The following ADAMTS17 variants were observed in gnomAD, a reference collection of about 807,000 sequenced individuals.
ADAMTS17 encodes ADAM metallopeptidase with thrombospondin type 1 motif 17.
A neutral mutation model predicts 141.5 loss-of-function variants in ADAMTS17; 113 were observed. The observed-to-expected ratio is 0.80, with a 90% CI of 0.69 to 0.93. The LOEUF is 0.93. Ranked by LOEUF, ADAMTS17 falls within the 40% of genes least tolerant of loss-of-function variation. The pLI, the probability that ADAMTS17 is intolerant of heterozygous loss-of-function variation, is 0.00. For missense variants in ADAMTS17, 1,659 were observed against 1,517.9 expected, an observed-to-expected ratio of 1.09 and a Z score of -1.54; for synonymous variants, 768 against 630.6, an observed-to-expected ratio of 1.22 and a Z score of -3.27.
intron 7 of ADAMTS17, among the ~76,000 whole-genome samples, chr15:100,206,790 C>A (rs1248968282): frequency 2.0e-5 from 3 of 152,140 alleles, no homozygotes; most frequent in Non-Finnish European, 4.4e-5. Flanking sequence ...TCAAATGCGA[C>A]CTGGAAGGAG....
At position 100,341,309 on chromosome 15, in the gene ADAMTS17, T is replaced by C; in HGVS notation, c.180A>G (p.Arg60=). Residue 60 remains arginine, a synonymous_variant, in exon 2 of 22, where the codon CGA becomes CGG. Transcript: ENST00000268070. ...GGGGCGTGCGGGGGCGTCGCCGCCG[T>C]CGGGGCCCGGGGGCTGCGGGCAGCG... ...LPPLPAAPGP[R]RRRRPRTPPA... 1 of 1,064,216 alleles carries C rather than the reference T, an allele frequency of 9.4e-7. No homozygotes were observed. Among genetic ancestry groups the C allele is most frequent in the Non-Finnish European group, 1.1e-6 (1 of 884,200 alleles). 65.9% of individuals were successfully genotyped at this position (1,064,216 alleles called of 1,614,324 possible).
chr15:100,254,786 C>T (rs1425062244), intron 6 of ADAMTS17, among the ~76,000 whole-genome samples: 1 of 152,140 alleles, frequency 6.6e-6, no homozygotes, highest in Non-Finnish European at 1.5e-5. Flanking sequence ...TAAGTGGGAG[C>T]TGAATGATGA....
chr15:100,295,457 T>C (rs151220025), intron 3 of ADAMTS17, among the ~76,000 whole-genome samples: 4 of 152,196 alleles, frequency 2.6e-5, no homozygotes, highest in African/African-American at 9.6e-5. Flanking sequence ...ACAGGACAAC[T>C]ATGGTTCCAG....
rs1394524331 is a variant in ADAMTS17 at position 99,974,397 on chromosome 15, G to A, written c.*5C>T. The A allele has an allele frequency of 4.3e-6, 7 of 1,614,012 alleles. No homozygotes were observed. Among genetic ancestry groups the A allele is most frequent in the Non-Finnish European group, 5.9e-6 (7 of 1,180,054 alleles). On this transcript the variant is annotated 3_prime_UTR_variant, in exon 22 of 22. Transcript: ENST00000268070. ...TGAGCTTTGAGCGACCCTTGGGACT[G>A]CGTGTCACGAGTTCGGCGGTGGCTG... is the stretch of plus-strand genomic sequence containing the variant.
At chr15:99,992,801 G>A (rs910182257) in intron 20 of ADAMTS17, among the ~76,000 whole-genome samples, 3 of 152,258 alleles carry the variant, frequency 2.0e-5, no homozygotes, top group East Asian at 1.9e-4. Flanking sequence ...GGTTCCTTCT[G>A]CATGCACGTG....
chr15:100,160,553 C>G (rs569452752), intron 8 of ADAMTS17, among the ~76,000 whole-genome samples: 1 of 152,324 alleles, frequency 6.6e-6, no homozygotes, highest in East Asian at 1.9e-4. Context: ...GGCCAGAGAA[C>G]CTGGTGATTG....
At chr15:100,320,345 G>C (rs2045695114) in intron 3 of ADAMTS17, among the ~76,000 whole-genome samples, 3 of 152,208 alleles carry the variant, frequency 2.0e-5, no homozygotes, top group Non-Finnish European at 2.9e-5. Context: ...ATAAACATGG[G>C]AAGTCCACGG....
chr15:100,221,921 G>A (rs929590835), intron 7 of ADAMTS17, among the ~76,000 whole-genome samples: 5 of 152,310 alleles, frequency 3.3e-5, no homozygotes, highest in South Asian at 2.1e-4. Flanking sequence ...GCCGGAGGCC[G>A]CCTGGGGTCT....
At chr15:100,240,051 A>T (rs1164582885) in intron 7 of ADAMTS17, among the ~76,000 whole-genome samples, 2 of 152,188 alleles carry the variant, frequency 1.3e-5, no homozygotes, top group Non-Finnish European at 2.9e-5. Context: ...CAGATCAGTG[A>T]GCCTGCTCCA....
At chr15:100,065,298 T>G (rs1425000143) in intron 15 of ADAMTS17, among the ~76,000 whole-genome samples, 2 of 152,178 alleles carry the variant, frequency 1.3e-5, no homozygotes, top group South Asian at 4.1e-4. Flanking sequence ...AGTGACAACT[T>G]CAAAATAATT....
chr15:99,983,647 A>G (rs1793727547), intron 20 of ADAMTS17, among the ~76,000 whole-genome samples: 1 of 151,962 alleles, frequency 6.6e-6, no homozygotes, highest in South Asian at 2.1e-4. Flanking sequence ...CTTCCTGCAG[A>G]GTGGCCCAGG....
intron 7 of ADAMTS17, among the ~76,000 whole-genome samples, chr15:100,218,837 T>C (rs952672721): frequency 5.9e-5 from 9 of 152,122 alleles, no homozygotes; most frequent in African/African-American, 2.2e-4. Flanking sequence ...TACGCATCAC[T>C]GAAAGATAAG....
chr15:100,196,563 C>T (rs144925996), intron 8 of ADAMTS17, among the ~76,000 whole-genome samples: 15 of 152,400 alleles, frequency 9.8e-5, no homozygotes, highest in African/African-American at 3.4e-4. Context: ...CATACCTTCC[C>T]TCCAGAAATG....
chr15:100,129,895 C>G (rs1464796077), intron 12 of ADAMTS17, among the ~76,000 whole-genome samples: 1 of 152,216 alleles, frequency 6.6e-6, no homozygotes, highest in Non-Finnish European at 1.5e-5. Context: ...TGACCATTAA[C>G]CAACAGGGTC....
At chr15:100,205,728 A>G (rs1047260578) in intron 7 of ADAMTS17, among the ~76,000 whole-genome samples, 8 of 152,238 alleles carry the variant, frequency 5.3e-5, no homozygotes, top group African/African-American at 7.2e-5. Flanking sequence ...TGTATGTGAC[A>G]CAGGCCTTGC....
intron 12 of ADAMTS17, chr15:100,128,582 G>A (rs572207552): frequency 2.6e-5 from 4 of 152,318 alleles, no homozygotes; most frequent in South Asian, 2.1e-4. Context: ...GAACAGCCAC[G>A]ACTATCATGG....
At chr15:100,025,402 T>C (rs868202851) in intron 18 of ADAMTS17, among the ~76,000 whole-genome samples, 42 of 146,390 alleles carry the variant, frequency 2.9e-4, no homozygotes, top group South Asian at 2.3e-3. Context: ...TCTTTTTCTC[T>C]TCTTTTCTTT....
intron 18 of ADAMTS17, among the ~76,000 whole-genome samples, chr15:100,042,819 C>T (rs968648631): frequency 6.6e-6 from 1 of 152,162 alleles, no homozygotes; most frequent in African/African-American, 2.4e-5. Context: ...CAACTTAAAA[C>T]TGATGAACTG....
intron 4 of ADAMTS17, among the ~76,000 whole-genome samples, chr15:100,276,992 A>G (rs570117309): frequency 8.8e-4 from 134 of 152,158 alleles, no homozygotes; most frequent in Non-Finnish European, 1.5e-3. Context: ...CCAGGGCTAG[A>G]GCGGCAAGAA....
Sources: allele counts gnomAD v4.1 joint callset (sites outside exome capture counted in the v4.1 genomes callset), GRCh38; gene constraint gnomAD v4.1.1; transcripts MANE v1.5; gene names NCBI Gene and HGNC (gene_info 2026-07-23, HGNC 2026-07-21).